NAA35: variants seen among roughly 807,000 people sequenced by gnomAD.
NAA35 encodes MAK10 homolog, amino-acid N-acetyltransferase subunit.
Under a neutral mutation model 101.7 loss-of-function variants are expected in NAA35, and 18 were observed. The observed-to-expected ratio is 0.18, with a 90% CI of 0.12 to 0.26. The LOEUF is 0.26. NAA35 is among the 10% of genes least tolerant of loss of function. NAA35 has a pLI of 1.00. For synonymous variants in NAA35, 267 were observed against 273.1 expected (o/e 0.98, Z 0.22); for missense variants, 601 against 886.8 (o/e 0.68, Z 4.09).
intron 6 of NAA35, among the ~76,000 whole-genome samples, chr9:85,962,900 A>G (rs1044961360): frequency 2.0e-5 from 3 of 152,210 alleles, no homozygotes; most frequent in Admixed American, 6.5e-5. Context: ...AGTTTGTCCT[A>G]AGTACCTCAC....
intron 11 of NAA35, among the ~76,000 whole-genome samples, chr9:85,988,457 A>G (rs1250646276): frequency 6.6e-6 from 1 of 152,176 alleles, no homozygotes; most frequent in African/African-American, 2.4e-5. Flanking sequence ...ATCCTGAGAG[A>G]TCTCATTGAA....
Position 86,017,689 on chromosome 9 carries a change from C to A in NAA35, c.1773+124C>A, listed in dbSNP as rs1832297041. ...TCACCTTTGTTTTACTTCCTGTCTG[C>A]TTGAAGATTACCTTTATTATCATTA... On this transcript the variant is annotated intron_variant, in intron 19 of 22. Transcript: ENST00000361671. 4 of 770,974 alleles carry A rather than the reference C, an allele frequency of 5.2e-6. No individual in the cohort carries two copies. In the South Asian group the frequency reaches 8.3e-5, roughly 16 times the overall value. The allele number at this position is 770,974 out of a possible 1,614,324, so 47.8% of individuals were successfully genotyped here. A position where few individuals can be genotyped will look rare whatever the true frequency, so the allele number is the denominator to read the frequency against.
At chr9:86,006,063 C>T (rs145424798) in intron 13 of NAA35, among the ~76,000 whole-genome samples, 6,614 of 151,618 alleles carry the variant, frequency 0.044, 180 homozygotes, top group Non-Finnish European at 0.062. Context: ...CCCAGCTACT[C>T]GGGAGGCTGA....
intron 2 of NAA35, among the ~76,000 whole-genome samples, chr9:85,955,360 A>ATATATT (rs749448250): frequency 1.2e-3 from 63 of 53,926 alleles, no homozygotes; most frequent in Non-Finnish European, 1.7e-3. Context: ...ATATATATAT[A>ATATATT]TTTTTTTTTT....
chr9:85,996,851 T>A (rs1831182929), intron 12 of NAA35, among the ~76,000 whole-genome samples: 1 of 152,234 alleles, frequency 6.6e-6, no homozygotes, highest in Non-Finnish European at 1.5e-5. Context: ...GGTTAGATAA[T>A]TCATCCAAGA....
At chr9:85,956,425 G>C (rs771804720) in intron 3 of NAA35, 32 bp downstream of exon 3, 2 of 1,294,354 alleles carry the variant, frequency 1.5e-6, no homozygotes, top group Non-Finnish European at 1.0e-6. Flanking sequence ...ATAGTGTAGT[G>C]TAATGTTTCA....
intron 1 of NAA35, chr9:85,941,483 G>A: frequency 1.0e-6 from 1 of 985,454 alleles, no homozygotes; most frequent in Non-Finnish European, 1.2e-6. Flanking sequence ...GCGACGACCC[G>A]GCGCCGGACG....
chr9:86,013,727 G>A lies in NAA35; in HGVS notation c.1398G>A (p.Lys466=). ...EFATLQDEAE[K]VDAALHTMLL... is the part of the protein sequence containing the mutation. Reference sequence around the variant, plus strand: ...ACATTTTATTTTAATAGGCAGAGAAGGTTGATGCAGCGCTTCACACCATGC... The same window carrying A: ...ACATTTTATTTTAATAGGCAGAGAAAGTTGATGCAGCGCTTCACACCATGC... The change falls in exon 17 of 23, where the codon AAG becomes AAA. Residue 466 remains lysine (K), a synonymous_variant. Transcript: ENST00000361671. 1 of 1,612,836 alleles carries A rather than the reference G, an allele frequency of 6.2e-7. No homozygotes were observed. Among genetic ancestry groups the A allele is most frequent in the African/African-American group, 1.3e-5 (1 of 75,038 alleles).
At chr9:86,012,988 T>C in intron 15 of NAA35, 58 bp from the exon 16 acceptor site, 1 of 1,202,550 alleles carries the variant, frequency 8.3e-7, no homozygotes, top group Non-Finnish European at 1.1e-6. Flanking sequence ...GAATGTTAAG[T>C]TTCTTTGGTA....
chr9:85,969,268 G>A (rs1315085411), intron 6 of NAA35, among the ~76,000 whole-genome samples: 2 of 111,376 alleles, frequency 1.8e-5, no homozygotes, highest in African/African-American at 9.5e-5. Flanking sequence ...GACCTGGTAT[G>A]TCAAAAAAAA....
At chr9:86,019,597 AT>A (rs935345599) in intron 21 of NAA35, among the ~76,000 whole-genome samples, 12 of 152,258 alleles carry the variant, frequency 7.9e-5, no homozygotes, top group Non-Finnish European at 7.3e-5. Context: ...AGATATCAAA[AT>A]AAACTTGGAA....
intron 11 of NAA35, among the ~76,000 whole-genome samples, chr9:85,991,857 C>T (rs969079330): frequency 6.6e-6 from 1 of 151,996 alleles, no homozygotes; most frequent in African/African-American, 2.4e-5. Flanking sequence ...TGGCTGTACC[C>T]AAATATCATA....
intron 6 of NAA35, among the ~76,000 whole-genome samples, chr9:85,973,651 C>G (rs921541755): frequency 1.3e-5 from 2 of 151,880 alleles, no homozygotes; most frequent in African/African-American, 4.8e-5. Context: ...CGTCAAGCTC[C>G]TTTTTGGAGA....
chr9:85,975,058 C>G (rs368827557), intron 7 of NAA35, 25 bp downstream of exon 7: 123 of 1,611,020 alleles, frequency 7.6e-5, no homozygotes, highest in Non-Finnish European at 1.0e-4. Context: ...AAAGTTAATT[C>G]ACAAGTTTTA....
At chr9:85,961,319 T>TA (rs1829502804) in intron 5 of NAA35, among the ~76,000 whole-genome samples, 1 of 152,178 alleles carries the variant, frequency 6.6e-6, no homozygotes, top group Admixed American at 6.5e-5. Flanking sequence ...TTTAAACTCT[T>TA]ACTCTGTTTC....
At position 85,958,464 on chromosome 9, in the gene NAA35, A is replaced by T; in HGVS notation, c.159-8A>T. Reference sequence around the variant, plus strand: ...AACAATTTGTTGGCTCAATTTTTTTATTTGCAGATTTGGTCTTTTTGAAGC... The same window carrying T: ...AACAATTTGTTGGCTCAATTTTTTTTTTTGCAGATTTGGTCTTTTTGAAGC... On this transcript the variant is annotated splice_polypyrimidine_tract_variant and splice_region_variant and intron_variant, in intron 3 of 22. Transcript: ENST00000361671. The T allele has an allele frequency of 6.3e-7, 1 of 1,576,496 alleles. No homozygotes were observed. Among genetic ancestry groups the T allele is most frequent in the Non-Finnish European group, 8.7e-7 (1 of 1,154,284 alleles).
chr9:86,017,803 T>C lies in NAA35; in HGVS notation c.1773+238T>C, dbSNP rs1221296521. Reference sequence around the variant, plus strand: ...AGGAGATACCAATTCTATATGGTCCTTGTTTGAAGTCTCCAGTGACAGGCC... The same window carrying C: ...AGGAGATACCAATTCTATATGGTCCCTGTTTGAAGTCTCCAGTGACAGGCC... On this transcript the variant is annotated intron_variant, in intron 19 of 22. Coordinates refer to ENST00000361671, the MANE Select transcript of NAA35 (RefSeq NM_024635.4). Among the ~76,000 whole-genome samples, 5 of 152,314 alleles carry C rather than the reference T, an allele frequency of 3.3e-5. No individual in the cohort carries two copies. In the East Asian group the frequency reaches 7.7e-4, roughly 24 times the overall value.
chr9:85,948,603 A>C (rs1377306847), intron 2 of NAA35, among the ~76,000 whole-genome samples: 1 of 152,154 alleles, frequency 6.6e-6, no homozygotes, highest in Non-Finnish European at 1.5e-5. Context: ...GAGGCTCTTA[A>C]TATCTGAAAA....
intron 6 of NAA35, among the ~76,000 whole-genome samples, chr9:85,967,292 C>T (rs975386435): frequency 6.6e-6 from 1 of 151,962 alleles, no homozygotes; most frequent in Non-Finnish European, 1.5e-5. Context: ...TGCTTAATAA[C>T]ATGGAGAAAT....
Sources: gnomAD v4.1 joint callset for allele counts (sites outside exome capture counted in the v4.1 genomes callset) on GRCh38, gnomAD v4.1.1 for gene constraint, MANE v1.5 for transcripts, NCBI Gene and HGNC (gene_info 2026-07-23, HGNC 2026-07-21) for gene names.